RNF8: variants seen among roughly 807,000 people sequenced by gnomAD.
RNF8 encodes the protein E3 ubiquitin-protein ligase RNF8.
Under a neutral mutation model 59.3 loss-of-function variants are expected in RNF8, and 8 were observed. The ratio of observed to expected loss-of-function variants is 0.13; its 90% CI spans 0.08 to 0.24. The LOEUF is 0.24. Among genes scored for constraint, RNF8 ranks in the 10% least tolerant of loss-of-function variants. The pLI is 1.00. For missense variants in RNF8, 406 were observed against 572.6 expected (o/e 0.71, Z 2.97); for synonymous variants, 162 against 200.0 (o/e 0.81, Z 1.60).
Position 37,368,698 on chromosome 6 carries a change from C to A in RNF8, c.455C>A (p.Thr152Asn). The A allele has an allele frequency of 6.2e-7, 1 of 1,614,006 alleles. No homozygotes were observed. Among genetic ancestry groups the A allele is most frequent in the Non-Finnish European group, 8.5e-7 (1 of 1,180,016 alleles). Residue 152 changes from threonine (T) to asparagine (N), a missense_variant, in exon 3 of 8, where the codon ACT becomes AAT. Transcript: ENST00000373479. ...ATAGAAAAAAATAAGGAATTGAGAA[C>A]TAAAAGGAAATTCAGTTTGGATGAA... The part of the protein sequence containing the change: ...QMIEKNKELR[T>N]KRKFSLDELA...
chr6:37,361,640 C>T, intron 2 of RNF8: 1 of 296,510 alleles, frequency 3.4e-6, no homozygotes, highest in Non-Finnish European at 6.6e-6. Flanking sequence ...GCTTCACTGC[C>T]CCAGTTAGGA....
chr6:37,361,325 CT>C (rs1333281973), intron 2 of RNF8: 2 of 455,190 alleles, frequency 4.4e-6, no homozygotes, highest in Non-Finnish European at 8.8e-6. Context: ...ATATGGTGTC[CT>C]CCTGGGAGCA....
chr6:37,354,066 C>T lies in RNF8; in HGVS notation c.-99C>T. The stretch of plus-strand genomic sequence containing the variant: ...GCGAGCGTGTGGCGATTGCTTCTGT[C>T]TGTTATTTAGATATGGAAGCTGAGG... On this transcript the variant is annotated 5_prime_UTR_variant, in exon 1 of 8. Transcript: ENST00000373479. 1 of 998,520 alleles carries T rather than the reference C, an allele frequency of 1.0e-6. No individual in the cohort carries two copies. The highest frequency in any genetic ancestry group is 1.5e-6 in the Non-Finnish European group (1 of 649,888). The allele number at this position is 998,520 out of a possible 1,614,324, so 61.9% of individuals were successfully genotyped here. A position where few individuals can be genotyped will look rare whatever the true frequency, so the allele number is the denominator to read the frequency against.
intron 7 of RNF8, 112 bp from the exon 8 acceptor site, chr6:37,390,630 C>A: frequency 1.4e-6 from 1 of 720,434 alleles, no homozygotes; most frequent in Non-Finnish European, 2.4e-6. Flanking sequence ...TTTCTCAGTT[C>A]GCTATGGCTG....
intron 4 of RNF8, 25 bp from the exon 5 acceptor site, chr6:37,374,595 G>T (rs1310714784): frequency 6.4e-7 from 1 of 1,572,666 alleles, no homozygotes; most frequent in Non-Finnish European, 8.8e-7. Context: ...TTCATCCTGA[G>T]TATGTATCTG....
rs1417911265 is a variant in RNF8, at chr6:37,392,766, A to G, written c.*2008A>G. The stretch of plus-strand genomic sequence containing the variant: ...TACTCTTAAAACAATGCTGCAGTTA[A>G]CACCCTTGTACATATATCTTTAGAG... On this transcript the variant is annotated 3_prime_UTR_variant, in exon 8 of 8. Coordinates refer to ENST00000373479, the MANE Select transcript of RNF8 (RefSeq NM_003958.4). 1 of 398,152 alleles carries G rather than the reference A, an allele frequency of 2.5e-6. No individual in the cohort carries two copies. Among genetic ancestry groups the G allele is most frequent in the Non-Finnish European group, 4.4e-6 (1 of 226,020 alleles). The allele number at this position is 398,152 out of a possible 1,614,324, so 24.7% of individuals were successfully genotyped here.
At chr6:37,370,100 C>G (rs1305615597) in intron 3 of RNF8, 4 of 152,190 alleles carry the variant, frequency 2.6e-5, no homozygotes. Context: ...ACTTAGAACT[C>G]AGACGGACCA....
At chr6:37,374,780 G>A in intron 5 of RNF8, 71 bp downstream of exon 5, 1 of 1,075,190 alleles carries the variant, frequency 9.3e-7, no homozygotes, top group East Asian at 2.5e-5. Context: ...CAGTGCAAGG[G>A]TTGCTAGGGA....
At chr6:37,376,182 GA>G (rs1770006306) in intron 5 of RNF8, among the ~76,000 whole-genome samples, 1 of 152,130 alleles carries the variant, frequency 6.6e-6, no homozygotes, top group African/African-American at 2.4e-5. Flanking sequence ...AATTGTTTGG[GA>G]TAATCTTATG....
intron 3 of RNF8, among the ~76,000 whole-genome samples, chr6:37,370,526 G>A (rs754344295): frequency 1.3e-5 from 2 of 152,270 alleles, no homozygotes; most frequent in Middle Eastern, 3.4e-3. Flanking sequence ...AAAGGCGAAA[G>A]GATTGGTTTA....
chr6:37,391,134 A>G lies in RNF8; in HGVS notation c.*376A>G, dbSNP rs924057588. Reference sequence around the variant, plus strand: ...GTTTTGGATAGGTTGGGTGTACCCCATGGCTGCCTCTGAAGGCAGTGTCTA... The same window carrying G: ...GTTTTGGATAGGTTGGGTGTACCCCGTGGCTGCCTCTGAAGGCAGTGTCTA... On this transcript the variant is annotated 3_prime_UTR_variant, in exon 8 of 8. Transcript: ENST00000373479. 2 of 345,606 alleles carry G rather than the reference A, an allele frequency of 5.8e-6. No homozygotes were observed. Among genetic ancestry groups the G allele is most frequent in the African/African-American group, 2.1e-5 (1 of 46,966 alleles). The allele number at this position is 345,606 out of a possible 1,614,324, so 21.4% of individuals were successfully genotyped here.
At chr6:37,390,680 G>A in intron 7 of RNF8, 62 bp from the exon 8 acceptor site, 1 of 1,257,672 alleles carries the variant, frequency 8.0e-7, no homozygotes, top group Non-Finnish European at 1.2e-6. Flanking sequence ...CTGGAAGCAG[G>A]GAGTCCACGG....
rs1359757473 is a variant in RNF8 at position 37,394,348 on chromosome 6, G to C, written c.*3590G>C. On this transcript the variant is annotated 3_prime_UTR_variant, in exon 8 of 8. Coordinates refer to ENST00000373479, the MANE Select transcript of RNF8 (RefSeq NM_003958.4). ...AAATGGGAGTTGAGGCAGTAGGAGTGTGGGGTTCTTGGGAAGACGATGGGG... is the reference window on the plus strand; with the variant it reads ...AAATGGGAGTTGAGGCAGTAGGAGTCTGGGGTTCTTGGGAAGACGATGGGG... 1 of 152,242 alleles carries C rather than the reference G, an allele frequency of 6.6e-6. No individual in the cohort carries two copies. Among genetic ancestry groups the C allele is most frequent in the Non-Finnish European group, 1.5e-5 (1 of 68,052 alleles). The allele number at this position is 152,242 out of a possible 1,614,324, so 9.4% of individuals were successfully genotyped here.
chr6:37,373,259 C>T (rs924147624), intron 4 of RNF8, among the ~76,000 whole-genome samples: 16 of 151,386 alleles, frequency 1.1e-4, no homozygotes, highest in African/African-American at 3.9e-4. Flanking sequence ...CCTTCACTGC[C>T]CTAAGCAGTC....
At chr6:37,372,197 G>A (rs1769837641) in intron 4 of RNF8, among the ~76,000 whole-genome samples, 2 of 152,114 alleles carry the variant, frequency 1.3e-5, no homozygotes, top group South Asian at 4.1e-4. Context: ...TACCTTTTAT[G>A]TATTATGATT....
chr6:37,376,832 C>T (rs967380678), intron 5 of RNF8, 94 bp from the exon 6 acceptor site: 32 of 762,682 alleles, frequency 4.2e-5, no homozygotes, highest in Non-Finnish European at 6.1e-5. Flanking sequence ...CTCATTAAGA[C>T]TGAATCCTCT....
chr6:37,388,725 A>C (rs1446993796), intron 7 of RNF8, among the ~76,000 whole-genome samples: 1 of 151,788 alleles, frequency 6.6e-6, no homozygotes, highest in Non-Finnish European at 1.5e-5. Flanking sequence ...GATCACTTGA[A>C]GCCAGGAGTT....
At chr6:37,363,778 A>T (rs564299263) in intron 2 of RNF8, among the ~76,000 whole-genome samples, 19 of 152,362 alleles carry the variant, frequency 1.2e-4, no homozygotes, top group African/African-American at 4.6e-4. Flanking sequence ...AATGTCCATC[A>T]ACAGTAGAAT....
intron 4 of RNF8, among the ~76,000 whole-genome samples, chr6:37,374,142 C>CT (rs1769918917): frequency 6.6e-6 from 1 of 152,176 alleles, no homozygotes; most frequent in East Asian, 1.9e-4. Context: ...ATAAAAATGA[C>CT]TATCTAATTC....
Sources: gnomAD v4.1 joint callset for allele counts (sites outside exome capture counted in the v4.1 genomes callset) on GRCh38, gnomAD v4.1.1 for gene constraint, MANE v1.5 for transcripts, NCBI Gene and HGNC (gene_info 2026-07-23, HGNC 2026-07-21) for gene names.